The following BAZ2B variants were observed in gnomAD, a reference collection of about 807,000 sequenced individuals.
The protein encoded by BAZ2B is bromodomain adjacent to zinc finger domain 2B, also known as bromodomain adjacent to zinc finger domain protein 2B.
A neutral mutation model predicts 246.0 loss-of-function variants in BAZ2B; 91 were observed. That is an observed-to-expected ratio of 0.37 (90% CI 0.31 to 0.44). The LOEUF is 0.44. Among genes scored for constraint, BAZ2B ranks in the 20% least tolerant of loss-of-function variants. The pLI, the probability that BAZ2B is intolerant of heterozygous loss-of-function variation, is 1.00. For missense variants in BAZ2B, 2,332 were observed against 2,533.7 expected (o/e 0.92, Z 1.71); for synonymous variants, 855 against 860.0 (o/e 0.99, Z 0.10).
At chr2:159,399,226 C>CTT (rs10682141) in intron 17 of BAZ2B, among the ~76,000 whole-genome samples, 8,752 of 152,138 alleles carry the variant, frequency 0.058, 344 homozygotes, top group Middle Eastern at 0.14. Flanking sequence ...TTTTATGTCA[C>CTT]ATTGTTTTTC....
At chr2:159,655,612 T>G in the BAZ2B span, among the ~76,000 whole-genome samples, 2 of 152,146 alleles carry the variant, frequency 1.3e-5, no homozygotes, top group African/African-American at 4.8e-5. Flanking sequence ...CCCCTCACCC[T>G]CATACTGGGA....
intron 1 of BAZ2B, among the ~76,000 whole-genome samples, chr2:159,598,477 A>G (rs1184779396): frequency 6.6e-6 from 1 of 152,250 alleles, no homozygotes; most frequent in African/African-American, 2.4e-5. Flanking sequence ...ATGTTTTATG[A>G]GAAATCCCTG....
At chr2:159,577,376 T>C (rs1299486631) in intron 1 of BAZ2B, among the ~76,000 whole-genome samples, 1 of 152,236 alleles carries the variant, frequency 6.6e-6, no homozygotes, top group East Asian at 1.9e-4. Flanking sequence ...AGAGGTTAGC[T>C]CCAAATAGTA....
chr2:159,447,547 A>C (rs2074430175), intron 5 of BAZ2B, among the ~76,000 whole-genome samples: 1 of 152,226 alleles, frequency 6.6e-6, no homozygotes, highest in Admixed American at 6.5e-5. Context: ...ATCATTTAAA[A>C]AAGTACTAGG....
chr2:159,652,827 A>G, the BAZ2B span, among the ~76,000 whole-genome samples: 1 of 151,990 alleles, frequency 6.6e-6, no homozygotes, highest in African/African-American at 2.4e-5. Context: ...TCTGTAGCCC[A>G]GGCTGGTCTC....
chr2:159,367,173 G>A (rs1383869953), intron 27 of BAZ2B, among the ~76,000 whole-genome samples: 3 of 152,184 alleles, frequency 2.0e-5, no homozygotes, highest in Admixed American at 1.3e-4. Context: ...GAATAATGAA[G>A]GACTTGGACT....
chr2:159,348,146 C>T (rs952290658), intron 30 of BAZ2B, among the ~76,000 whole-genome samples: 1 of 151,490 alleles, frequency 6.6e-6, no homozygotes, highest in African/African-American at 2.4e-5. Context: ...TAGTGAGGCC[C>T]TGTCTCTACA....
At chr2:159,413,662 C>A (rs546522064) in intron 13 of BAZ2B, among the ~76,000 whole-genome samples, 1 of 152,020 alleles carries the variant, frequency 6.6e-6, no homozygotes, top group Non-Finnish European at 1.5e-5. Context: ...AAGCCGAGAT[C>A]GCACCATTGC....
chr2:159,598,587 C>A (rs548960116), intron 1 of BAZ2B, among the ~76,000 whole-genome samples: 1 of 151,214 alleles, frequency 6.6e-6, no homozygotes. Flanking sequence ...TGGTGGCTCA[C>A]ACCTGTAATC....
chr2:159,689,836 T>A, the BAZ2B span: 2 of 491,262 alleles, frequency 4.1e-6, no homozygotes, highest in African/African-American at 2.0e-5. Context: ...TCTTCCAGAT[T>A]TGGCAGAATT....
intron 1 of BAZ2B, among the ~76,000 whole-genome samples, chr2:159,575,937 A>C (rs1685185034): frequency 6.6e-6 from 1 of 152,202 alleles, no homozygotes; most frequent in Non-Finnish European, 1.5e-5. Context: ...CAGAAAGCTC[A>C]ATTCTACAAA....
intron 1 of BAZ2B, among the ~76,000 whole-genome samples, chr2:159,584,186 A>G (rs1243929706): frequency 6.6e-6 from 1 of 151,470 alleles, no homozygotes; most frequent in Non-Finnish European, 1.5e-5. Context: ...CAGCAGCACG[A>G]TCTCGACTCA....
Position 159,409,853 on chromosome 2 carries a change from G to C in BAZ2B, c.2677+2482C>G, listed in dbSNP as rs532167740. Among the ~76,000 whole-genome samples, 4 of 152,158 alleles carry C rather than the reference G, an allele frequency of 2.6e-5. 1 individual carries two copies. In the South Asian group the frequency reaches 8.3e-4, roughly 32 times the overall value. ...ACATGTAATATACAATAAGGTCAAA[G>C]GTAACAGAACTTGCAAAATGCAATC... is the stretch of plus-strand genomic sequence containing the variant. On this transcript the variant is annotated intron_variant, in intron 14 of 36. Transcript: ENST00000392783.
rs551761752 is a variant in BAZ2B at position 159,580,917 on chromosome 2, C to A, written c.-45-25052G>T. 1.2e-4 allele frequency among the ~76,000 whole-genome samples: 18 copies of A among 152,256 alleles called. No individual in the cohort carries two copies. The South Asian group carries it at 3.5e-3, about 30-fold the overall frequency. ...CTCACACCTTATACAAAAATTAATT[C>A]AAGATGGATTAAAGACTTAAATGTC... is the stretch of plus-strand genomic sequence containing the variant. On this transcript the variant is annotated intron_variant, in intron 1 of 36. Transcript: ENST00000392783.
chr2:159,396,490 A>G (rs1299131069), intron 19 of BAZ2B: 1 of 152,214 alleles, frequency 6.6e-6, no homozygotes, highest in Non-Finnish European at 1.5e-5. Flanking sequence ...CAAAAGCTGC[A>G]CCATGGGCTC....
intron 25 of BAZ2B, among the ~76,000 whole-genome samples, chr2:159,376,961 T>A (rs1170658836): frequency 1.3e-5 from 2 of 152,196 alleles, no homozygotes; most frequent in Non-Finnish European, 2.9e-5. Context: ...CATCATTATA[T>A]GTCCCTATAT....
the BAZ2B span, among the ~76,000 whole-genome samples, chr2:159,698,096 T>C: frequency 6.6e-6 from 1 of 152,208 alleles, no homozygotes; most frequent in South Asian, 2.1e-4. Context: ...AAAGACTCCA[T>C]TGCAAATTAC....
intron 2 of BAZ2B, among the ~76,000 whole-genome samples, chr2:159,524,327 C>T (rs995328283): frequency 5.9e-5 from 9 of 152,024 alleles, no homozygotes; most frequent in East Asian, 3.9e-4. Context: ...TGGTGGTGCG[C>T]GCCTGTTGTC....
intron 1 of BAZ2B, among the ~76,000 whole-genome samples, chr2:159,562,619 C>T (rs2089986667): frequency 6.6e-6 from 1 of 152,120 alleles, no homozygotes; most frequent in Non-Finnish European, 1.5e-5. Flanking sequence ...TGAAGTAATA[C>T]AATGAAGTTT....
Sources: allele counts gnomAD v4.1 joint callset (sites outside exome capture counted in the v4.1 genomes callset), GRCh38; gene constraint gnomAD v4.1.1; transcripts MANE v1.5; gene names NCBI Gene and HGNC (gene_info 2026-07-23, HGNC 2026-07-21).